The following IPO11 variants were observed in gnomAD, a reference collection of about 807,000 sequenced individuals.
IPO11 encodes the protein importin-11.
In IPO11, 66 loss-of-function variants were observed where a neutral mutation model predicts 143.2. The observed-to-expected ratio is 0.46, with a 90% CI of 0.38 to 0.57. The LOEUF is 0.57. Among genes scored for constraint, IPO11 ranks in the 20% least tolerant of loss-of-function variants. IPO11 has a pLI of 0.00. For missense variants in IPO11, 1,026 were observed against 1,141.0 expected (o/e 0.90, Z 1.45); for synonymous variants, 385 against 377.8 (o/e 1.02, Z -0.22).
intron 1 of IPO11, among the ~76,000 whole-genome samples, chr5:62,420,344 A>G (rs908577099): frequency 1.3e-5 from 2 of 151,890 alleles, no homozygotes; most frequent in Non-Finnish European, 1.5e-5. Flanking sequence ...CCAGTAACAT[A>G]GTTGCTTATT....
chr5:62,457,114 A>G (rs978763423), intron 5 of IPO11, among the ~76,000 whole-genome samples: 7 of 152,144 alleles, frequency 4.6e-5, no homozygotes, highest in African/African-American at 1.4e-4. Context: ...CATGGAAGAA[A>G]ACAAAACTAT....
Position 62,437,295 on chromosome 5 carries a change from G to A in IPO11, c.16G>A (p.Ala6Thr), listed in dbSNP as rs1744277278. Residue 6 changes from alanine (A) to threonine (T), a missense_variant, in exon 2 of 30, where the codon GCC becomes ACC. Ala to Thr is a moderately conservative substitution (Grantham distance 58). This residue lies in a region of IPO11 where 429 missense variants were observed against 456.3 expected (regional missense o/e 0.94). Coordinates refer to ENST00000325324, the MANE Select transcript of IPO11 (RefSeq NM_016338.5). ...CCAGGTTTCCATGGATCTCAATAGTGCCAGCACTGTTGTTCTTCAGGTGTT... is the reference window on the plus strand; with the variant it reads ...CCAGGTTTCCATGGATCTCAATAGTACCAGCACTGTTGTTCTTCAGGTGTT... The part of the protein sequence containing the change: MDLNS[A>T]STVVLQVLTQ... 1 of 1,609,182 alleles carries A rather than the reference G, an allele frequency of 6.2e-7. No individual in the cohort carries two copies. The highest frequency in any genetic ancestry group is 8.5e-7 in the Non-Finnish European group (1 of 1,177,528).
At chr5:62,584,316 G>T (rs1349243744) in intron 27 of IPO11, among the ~76,000 whole-genome samples, 1 of 152,072 alleles carries the variant, frequency 6.6e-6, no homozygotes, top group Admixed American at 6.6e-5. Flanking sequence ...GATAGGAGAG[G>T]CTGGGCACGG....
chr5:62,571,534 T>C (rs1328629194), intron 27 of IPO11, among the ~76,000 whole-genome samples: 1 of 152,234 alleles, frequency 6.6e-6, no homozygotes, highest in Non-Finnish European at 1.5e-5. Context: ...TACATCTCTT[T>C]CTTTTGAAAG....
chr5:62,580,460 A>G (rs1458070069), intron 27 of IPO11: 2 of 1,551,450 alleles, frequency 1.3e-6, no homozygotes, highest in Non-Finnish European at 1.7e-6. Context: ...ACAGCCTTGC[A>G]TCCAAGGGTC....
chr5:62,428,499 A>G (rs1580165326), intron 1 of IPO11, among the ~76,000 whole-genome samples: 1 of 151,780 alleles, frequency 6.6e-6, no homozygotes, highest in East Asian at 1.9e-4. Context: ...GCACGCCACT[A>G]CACCTGGCTA....
chr5:62,481,193 C>T (rs1424248278), intron 9 of IPO11, among the ~76,000 whole-genome samples: 1 of 152,112 alleles, frequency 6.6e-6, no homozygotes, highest in Admixed American at 6.5e-5. Context: ...GCTGGGATTA[C>T]AGGCATGAGC....
intron 27 of IPO11, among the ~76,000 whole-genome samples, chr5:62,581,912 G>A (rs1422440935): frequency 2.6e-5 from 4 of 152,148 alleles, no homozygotes; most frequent in Middle Eastern, 3.2e-3. Context: ...ACTGGATCAC[G>A]AAGAATAAAT....
At chr5:62,621,566 T>C (rs994157298) in intron 29 of IPO11, among the ~76,000 whole-genome samples, 3 of 152,104 alleles carry the variant, frequency 2.0e-5, no homozygotes, top group African/African-American at 7.2e-5. Flanking sequence ...GCTTGAAGGC[T>C]GGGTTTAAGG....
At chr5:62,586,869 G>C (rs1424533316) in intron 27 of IPO11, among the ~76,000 whole-genome samples, 2 of 142,020 alleles carry the variant, frequency 1.4e-5, no homozygotes, top group Admixed American at 7.3e-5. Context: ...AATGGTGCTA[G>C]CTCCATAATT....
intron 26 of IPO11, among the ~76,000 whole-genome samples, chr5:62,552,123 CAAAAAAG>C (rs1216907720): frequency 1.0e-4 from 15 of 147,124 alleles, no homozygotes; most frequent in African/African-American, 2.5e-4. Context: ...AACTCTGTCT[CAAAAAAG>C]AAAAAAGAAA....
chr5:62,608,550 T>A (rs1022139220), intron 29 of IPO11, among the ~76,000 whole-genome samples: 3 of 152,248 alleles, frequency 2.0e-5, no homozygotes, highest in Admixed American at 1.3e-4. Context: ...ACCAAATGAC[T>A]TGTCTCCACA....
chr5:62,504,001 T>G lies in IPO11; in HGVS notation c.1591-666T>G, dbSNP rs116823794. On this transcript the variant is annotated intron_variant, in intron 16 of 29. Coordinates refer to ENST00000325324, the MANE Select transcript of IPO11 (RefSeq NM_016338.5). ...CTCATGTTACTTTATGTGGAAACTA[T>G]GAATATCTTAGCCCATGCCAATTTT... is the stretch of plus-strand genomic sequence containing the variant. Among the ~76,000 whole-genome samples the G allele has an allele frequency of 5.0e-3, 768 of 152,298 alleles. 7 individuals carry two copies. Among genetic ancestry groups the G allele is most frequent in the African/African-American group, 0.017 (724 of 41,564 alleles).
At chr5:62,455,934 A>G (rs1745134269) in intron 5 of IPO11, among the ~76,000 whole-genome samples, 1 of 152,130 alleles carries the variant, frequency 6.6e-6, no homozygotes, top group South Asian at 2.1e-4. Context: ...CATGTTGCCC[A>G]GGTTGGCCTC....
At chr5:62,524,460 A>G (rs879617908) in intron 20 of IPO11, among the ~76,000 whole-genome samples, 8 of 152,188 alleles carry the variant, frequency 5.3e-5, no homozygotes, top group Non-Finnish European at 1.2e-4. Flanking sequence ...AAGTCTACTG[A>G]TAATCAAAAT....
At chr5:62,540,422 C>T (rs1742891041) in intron 24 of IPO11, among the ~76,000 whole-genome samples, 1 of 152,180 alleles carries the variant, frequency 6.6e-6, no homozygotes, top group East Asian at 1.9e-4. Context: ...ACTTCCCAGA[C>T]CAAATTTGAA....
chr5:62,547,209 A>G lies in IPO11; in HGVS notation c.2251-3158A>G, dbSNP rs552194628. ...AATTACATTCAGTAGTATTATTGTCATCAGTAATATTGGTATTGTTATTTT... is the reference window on the plus strand; with the variant it reads ...AATTACATTCAGTAGTATTATTGTCGTCAGTAATATTGGTATTGTTATTTT... On this transcript the variant is annotated intron_variant, in intron 24 of 29. Transcript: ENST00000325324. 2.0e-5 allele frequency among the ~76,000 whole-genome samples: 3 copies of G among 152,286 alleles called. No individual in the cohort carries two copies. The East Asian group carries it at 5.8e-4, about 29-fold the overall frequency.
chr5:62,478,732 A>G (rs1039461993), intron 9 of IPO11, among the ~76,000 whole-genome samples: 7 of 152,094 alleles, frequency 4.6e-5, no homozygotes, highest in African/African-American at 1.7e-4. Flanking sequence ...GTGTCGCCAC[A>G]TGCTTTTTGT....
chr5:62,473,846 G>A (rs150437091), intron 7 of IPO11, among the ~76,000 whole-genome samples: 2 of 152,036 alleles, frequency 1.3e-5, no homozygotes, highest in East Asian at 3.9e-4. Context: ...AGACCTAGCT[G>A]GTATATGTTG....
Sources: gnomAD v4.1 joint callset for allele counts (sites outside exome capture counted in the v4.1 genomes callset) on GRCh38, gnomAD v4.1.1 for gene constraint, gnomAD v4.1.1 regional missense constraint, MANE v1.5 for transcripts, NCBI Gene and HGNC (gene_info 2026-07-23, HGNC 2026-07-21) for gene names.